Variants in BCAP29 observed in about 807,000 individuals in gnomAD.
BCAP29 encodes the protein B-cell receptor-associated protein 29.
In BCAP29, 34 loss-of-function variants were observed where a neutral mutation model predicts 31.8. The ratio of observed to expected loss-of-function variants is 1.07; its 90% CI spans 0.81 to 1.42. The LOEUF (loss-of-function observed/expected upper bound fraction) is 1.42. BCAP29 is among the 40% of genes most tolerant of loss of function. BCAP29 has a pLI of 0.00. For synonymous variants in BCAP29, 104 were observed against 91.3 expected (o/e 1.14, Z -0.79); for missense variants, 314 against 269.2 (o/e 1.17, Z -1.16).
chr7:107,583,636 T>C (rs974789941), intron 2 of BCAP29, among the ~76,000 whole-genome samples: 23 of 152,104 alleles, frequency 1.5e-4, no homozygotes, highest in African/African-American at 5.5e-4. Context: ...TCATGTATGG[T>C]TTACTTTTAG....
At chr7:107,611,668 A>G (rs946195569) in intron 6 of BCAP29, among the ~76,000 whole-genome samples, 12 of 152,318 alleles carry the variant, frequency 7.9e-5, no homozygotes, top group African/African-American at 2.9e-4. Context: ...AGGTGGTCCT[A>G]ATGAAATCTA....
rs1206474921 is a variant in BCAP29 at position 107,613,417 on chromosome 7, A to C, written c.675A>C (p.Glu225Asp). The C allele has an allele frequency of 6.2e-7, 1 of 1,607,270 alleles. No homozygotes were observed. Among genetic ancestry groups the C allele is most frequent in the East Asian group, 2.2e-5 (1 of 44,814 alleles). Residue 225 changes from glutamate (E) to aspartate (D), a missense_variant, in exon 7 of 8, where the codon GAA becomes GAC. Transcript: ENST00000005259. The stretch of plus-strand genomic sequence containing the variant: ...AAGAATATGATCAACTCCTGAAAGA[A>C]CACTCTGAACTTCAGGTGGGTGTGA... ...LSKEYDQLLKEHSELQDRLER... is the reference protein window; with the variant it reads ...LSKEYDQLLKDHSELQDRLER...
At chr7:107,614,976 T>G (rs755463893) in intron 7 of BCAP29, among the ~76,000 whole-genome samples, 2 of 152,204 alleles carry the variant, frequency 1.3e-5, no homozygotes, top group African/African-American at 2.4e-5. Flanking sequence ...ATTTTCCCCC[T>G]ATTTGTGAGA....
At chr7:107,605,746 A>G (rs1233274352) in intron 6 of BCAP29, among the ~76,000 whole-genome samples, 1 of 152,230 alleles carries the variant, frequency 6.6e-6, no homozygotes, top group African/African-American at 2.4e-5. Flanking sequence ...CTACTGTCTT[A>G]TTCCATACCT....
At chr7:107,591,676 C>T (rs953423436) in intron 3 of BCAP29, among the ~76,000 whole-genome samples, 2 of 25,086 alleles carry the variant, frequency 8.0e-5, no homozygotes, top group Non-Finnish European at 1.5e-4. Flanking sequence ...TTCTTTTTCC[C>T]TGGAGAACCC....
intron 5 of BCAP29, among the ~76,000 whole-genome samples, chr7:107,597,849 A>T (rs1482914677): frequency 6.6e-6 from 1 of 152,248 alleles, no homozygotes; most frequent in Non-Finnish European, 1.5e-5. Context: ...TAAAGAAATG[A>T]AATAATTATG....
chr7:107,583,635 G>A (rs1416186496), intron 2 of BCAP29, among the ~76,000 whole-genome samples: 1 of 151,940 alleles, frequency 6.6e-6, no homozygotes, highest in Non-Finnish European at 1.5e-5. Flanking sequence ...CTCATGTATG[G>A]TTTACTTTTA....
intron 5 of BCAP29, among the ~76,000 whole-genome samples, chr7:107,596,350 C>T (rs1472540761): frequency 2.6e-5 from 4 of 152,052 alleles, no homozygotes; most frequent in African/African-American, 9.7e-5. Context: ...GTCTTTATAA[C>T]TGTTTCTATT....
At chr7:107,580,897 A>G in intron 2 of BCAP29, 33 bp downstream of exon 2, 1 of 1,482,976 alleles carries the variant, frequency 6.7e-7, no homozygotes, top group Non-Finnish European at 9.1e-7. Context: ...ACTAATAAAT[A>G]TTGGATCGCT....
intron 7 of BCAP29, among the ~76,000 whole-genome samples, chr7:107,614,256 C>A (rs1257627830): frequency 6.6e-6 from 1 of 152,208 alleles, no homozygotes; most frequent in East Asian, 1.9e-4. Flanking sequence ...GTCATGGTAT[C>A]TCCAAGACTC....
chr7:107,595,966 C>CAAA lies in BCAP29; in HGVS notation c.448_450dup (p.Lys150dup), dbSNP rs1209092012. 2 of 1,573,682 alleles carry CAAA rather than the reference C, an allele frequency of 1.3e-6. No homozygotes were observed. The highest frequency in any genetic ancestry group is 4.1e-5 in the Admixed American group (2 of 48,426). ...AAGCAGAAAATACTAACAAGGCTGC[C>CAAA]AAAAAATTTATGGAAGAAAACGAAA... On this transcript the variant is annotated inframe_insertion, in exon 5 of 8. Transcript: ENST00000005259.
intron 3 of BCAP29, among the ~76,000 whole-genome samples, chr7:107,589,329 G>A (rs926946863): frequency 9.2e-5 from 14 of 152,090 alleles, no homozygotes; most frequent in African/African-American, 2.2e-4. Context: ...GCAACTCACC[G>A]TAATGTAGAA....
intron 6 of BCAP29, among the ~76,000 whole-genome samples, chr7:107,602,527 G>A (rs879364588): frequency 1.3e-5 from 2 of 151,770 alleles, no homozygotes; most frequent in Non-Finnish European, 2.9e-5. Flanking sequence ...TTTAGAAAGA[G>A]ATCTTACATT....
intron 7 of BCAP29, among the ~76,000 whole-genome samples, chr7:107,617,104 T>C (rs1222300835): frequency 6.6e-6 from 1 of 152,126 alleles, no homozygotes; most frequent in Non-Finnish European, 1.5e-5. Flanking sequence ...AAGCAAAAGA[T>C]AGTTACAGAT....
upstream of BCAP29, chr7:107,580,209 C>T (rs1026944030): frequency 6.6e-6 from 1 of 151,992 alleles, no homozygotes. Context: ...GGGGTGGGGC[C>T]CTGGCTCCCC....
Position 107,619,582 on chromosome 7 carries a change from TA to T in BCAP29, c.*1223del, listed in dbSNP as rs1814731063. On this transcript the variant is annotated 3_prime_UTR_variant, in exon 8 of 8. Transcript: ENST00000005259. ...AAGTACCTAAAAATTTTATTTCAGA[TA>T]AAAGTCAGGAGTTACTGCTAAAAAA... is the stretch of plus-strand genomic sequence containing the variant. 1 of 152,102 alleles carries T rather than the reference TA, an allele frequency of 6.6e-6. No homozygotes were observed. The highest frequency in any genetic ancestry group is 2.4e-5 in the African/African-American group (1 of 41,416). The allele number at this position is 152,102 out of a possible 1,614,324, so 9.4% of individuals were successfully genotyped here.
Position 107,620,169 on chromosome 7 carries a change from C to T in BCAP29, c.*1806C>T, listed in dbSNP as rs182351772. 5.9e-5 allele frequency: 9 copies of T among 152,310 alleles called. 1 individual carries two copies. In the East Asian group the frequency reaches 1.7e-3, roughly 29 times the overall value. 9.4% of individuals were successfully genotyped at this position (152,310 alleles called of 1,614,324 possible). On this transcript the variant is annotated 3_prime_UTR_variant, in exon 8 of 8. Transcript: ENST00000005259. The stretch of plus-strand genomic sequence containing the variant: ...AAGTTTACAAGTCTGAAACTTTAGA[C>T]ATCAAAAGTTTGAGCAGTTTTTCCA...
chr7:107,580,919 A>G, intron 2 of BCAP29, 55 bp downstream of exon 2: 1 of 1,363,796 alleles, frequency 7.3e-7, no homozygotes, highest in Non-Finnish European at 9.9e-7. Flanking sequence ...TTAATGTAAA[A>G]TGGAAAAAGT....
At chr7:107,582,840 T>C (rs1248557266) in intron 2 of BCAP29, among the ~76,000 whole-genome samples, 1 of 152,268 alleles carries the variant, frequency 6.6e-6, no homozygotes, top group East Asian at 1.9e-4. Flanking sequence ...TTACCACTTA[T>C]GTTCTCTTAA....
Sources: allele counts gnomAD v4.1 joint callset (sites outside exome capture counted in the v4.1 genomes callset), GRCh38; gene constraint gnomAD v4.1.1; transcripts MANE v1.5; gene names NCBI Gene and HGNC (gene_info 2026-07-23, HGNC 2026-07-21).